ROBO2: variants seen among roughly 807,000 people sequenced by gnomAD.
The protein encoded by ROBO2 is roundabout guidance receptor 2.
In ROBO2, 53 loss-of-function variants were observed where a neutral mutation model predicts 160.8. The observed-to-expected ratio is 0.33, with a 90% CI of 0.26 to 0.41. The LOEUF is 0.41. Ranked by LOEUF, ROBO2 falls within the 10% of genes least tolerant of loss-of-function variation. The pLI is 1.00. For missense variants in ROBO2, 1,577 were observed against 1,722.4 expected (o/e 0.92, Z 1.49); for synonymous variants, 664 against 611.7 (o/e 1.09, Z -1.26).
intron 2 of ROBO2, among the ~76,000 whole-genome samples, chr3:76,785,861 A>G (rs2062940607): frequency 6.6e-6 from 1 of 151,322 alleles, no homozygotes; most frequent in Admixed American, 6.6e-5. Context: ...TAATATTCAG[A>G]TTAATTTGGA....
chr3:76,416,547 A>C (rs2108883369), intron 2 of ROBO2, among the ~76,000 whole-genome samples: 1 of 152,272 alleles, frequency 6.6e-6, no homozygotes, highest in South Asian at 2.1e-4. Flanking sequence ...TAATGTGATA[A>C]ATTAGTGGAT....
At chr3:76,975,677 TAA>T (rs1325920432) in intron 2 of ROBO2, among the ~76,000 whole-genome samples, 2 of 152,186 alleles carry the variant, frequency 1.3e-5, no homozygotes, top group Non-Finnish European at 2.9e-5. Flanking sequence ...CTGAGAAACA[TAA>T]GTCTTCTAAT....
At chr3:76,086,636 A>C (rs1328806320) in intron 2 of ROBO2, among the ~76,000 whole-genome samples, 2 of 152,172 alleles carry the variant, frequency 1.3e-5, no homozygotes, top group Non-Finnish European at 2.9e-5. Flanking sequence ...CTTCCTTTCA[A>C]CAAAATATTA....
At chr3:76,962,122 G>T (rs969741304) in intron 2 of ROBO2, among the ~76,000 whole-genome samples, 1 of 152,120 alleles carries the variant, frequency 6.6e-6, no homozygotes, top group African/African-American at 2.4e-5. Context: ...ATTACCTGAG[G>T]TCAGGAGTTC....
chr3:76,120,660 A>G (rs1383047617), intron 2 of ROBO2, among the ~76,000 whole-genome samples: 4 of 152,186 alleles, frequency 2.6e-5, no homozygotes, highest in Non-Finnish European at 5.9e-5. Flanking sequence ...AGTCATATAG[A>G]AAGTACTCCT....
chr3:77,632,837 A>G (rs1301948336), intron 23 of ROBO2: 7 of 444,134 alleles, frequency 1.6e-5, no homozygotes, highest in Non-Finnish European at 2.7e-5. Flanking sequence ...TGCAGAGCCA[A>G]GAATAGACTC....
intron 2 of ROBO2, among the ~76,000 whole-genome samples, chr3:76,841,056 G>A (rs1466114295): frequency 6.6e-6 from 1 of 152,064 alleles, no homozygotes; most frequent in Non-Finnish European, 1.5e-5. Context: ...CGATACACAA[G>A]GAAGCAGAGA....
chr3:76,520,377 G>A (rs974549627), intron 2 of ROBO2, among the ~76,000 whole-genome samples: 2 of 152,118 alleles, frequency 1.3e-5, no homozygotes, highest in Non-Finnish European at 2.9e-5. Flanking sequence ...CTTGAACTTG[G>A]GAGGTGGAGG....
chr3:76,440,260 T>A (rs1054003643), intron 2 of ROBO2, among the ~76,000 whole-genome samples: 4 of 152,072 alleles, frequency 2.6e-5, no homozygotes, highest in Non-Finnish European at 4.4e-5. Flanking sequence ...ATTTTTTTTT[T>A]ATTATTATAC....
In ROBO2 at chr3:75,973,933, A is replaced by G. The variant is rs531053473; in HGVS notation, c.109+36331A>G. ...AAGAAGCCAGTAAAGATGGTGGGAT[A>G]GGGCTCATGAGTAGTTAAGGTAGGG... On this transcript the variant is annotated intron_variant, in intron 2 of 26. Coordinates refer to the ROBO2 transcript ENST00000487694. Among the ~76,000 whole-genome samples, 52 of 151,794 alleles carry G rather than the reference A, an allele frequency of 3.4e-4. 1 individual carries two copies. The South Asian group carries it at 0.01, about 30-fold the overall frequency.
chr3:76,157,669 T>C (rs2106895658), intron 2 of ROBO2, among the ~76,000 whole-genome samples: 1 of 152,266 alleles, frequency 6.6e-6, no homozygotes, highest in South Asian at 2.1e-4. Flanking sequence ...ATCTGCCTTT[T>C]GTGGAAACAA....
intron 2 of ROBO2, among the ~76,000 whole-genome samples, chr3:75,968,458 C>A (rs1479035398): frequency 6.6e-6 from 1 of 151,362 alleles, no homozygotes; most frequent in African/African-American, 2.4e-5. Context: ...GTTTTGATAA[C>A]CTACATTTTA....
At chr3:77,136,713 T>G (rs1453421028) in intron 2 of ROBO2, among the ~76,000 whole-genome samples, 2 of 151,482 alleles carry the variant, frequency 1.3e-5, no homozygotes, top group African/African-American at 4.9e-5. Flanking sequence ...CTTGGCTCAC[T>G]GCAACCTCCA....
chr3:77,571,761 C>T (rs2093642216), intron 13 of ROBO2, among the ~76,000 whole-genome samples: 1 of 151,932 alleles, frequency 6.6e-6, no homozygotes, highest in Non-Finnish European at 1.5e-5. Context: ...TATGGCCTAA[C>T]TTGAAAATGA....
intron 2 of ROBO2, among the ~76,000 whole-genome samples, chr3:76,397,166 G>T (rs1047001139): frequency 6.6e-6 from 1 of 151,958 alleles, no homozygotes; most frequent in Admixed American, 6.6e-5. Flanking sequence ...CAGAAGTAAC[G>T]CCCCATATCT....
intron 9 of ROBO2, 37 bp from the exon 11 acceptor site, chr3:77,562,614 T>C: frequency 6.9e-7 from 1 of 1,459,850 alleles, no homozygotes; most frequent in Non-Finnish European, 9.6e-7. Flanking sequence ...GCAAATTGAC[T>C]GAAACAATTT....
intron 2 of ROBO2, among the ~76,000 whole-genome samples, chr3:76,846,510 T>A (rs2068784604): frequency 6.6e-6 from 1 of 152,134 alleles, no homozygotes; most frequent in Non-Finnish European, 1.5e-5. Context: ...CTTACTTTAG[T>A]ATCTCTGAAT....
chr3:76,997,421 T>A (rs947102208), intron 2 of ROBO2, among the ~76,000 whole-genome samples: 1 of 152,190 alleles, frequency 6.6e-6, no homozygotes, highest in Non-Finnish European at 1.5e-5. Context: ...TTGTGGGGTC[T>A]AATGTTCTTT....
intron 2 of ROBO2, among the ~76,000 whole-genome samples, chr3:76,053,576 A>G (rs1185829479): frequency 6.6e-6 from 1 of 152,112 alleles, no homozygotes; most frequent in Admixed American, 6.5e-5. Context: ...TTTCATATAA[A>G]TAGAAGTCAA....
Sources: allele counts gnomAD v4.1 joint callset (sites outside exome capture counted in the v4.1 genomes callset), GRCh38; gene constraint gnomAD v4.1.1; transcripts MANE v1.5; gene names NCBI Gene and HGNC (gene_info 2026-07-23, HGNC 2026-07-21).